The following TMEM163 variants were observed in gnomAD, a reference collection of about 807,000 sequenced individuals.
The protein encoded by TMEM163 is transmembrane protein 163.
TMEM163 carries 17 observed loss-of-function variants against 29.3 expected under a neutral mutation model. That is an observed-to-expected ratio of 0.58 (90% confidence interval 0.40 to 0.87). TMEM163 has a LOEUF of 0.87. Ranked by LOEUF, TMEM163 falls within the 40% of genes least tolerant of loss-of-function variation. The probability of loss-of-function intolerance (pLI) is 0.00; values close to 1 mark genes in which losing one functional copy is unlikely to be tolerated. For synonymous variants in TMEM163, 157 were observed against 160.6 expected (o/e 0.98, Z 0.17); for missense variants, 303 against 381.5 (o/e 0.79, Z 1.71).
intron 2 of TMEM163, among the ~76,000 whole-genome samples, chr2:134,699,739 T>C (rs1306270008): frequency 6.6e-6 from 1 of 152,196 alleles, no homozygotes; most frequent in Non-Finnish European, 1.5e-5. Flanking sequence ...AATTATGATA[T>C]GTCTGTTTCT....
intron 2 of TMEM163, among the ~76,000 whole-genome samples, chr2:134,579,487 T>A (rs989057184): frequency 1.3e-5 from 2 of 152,198 alleles, no homozygotes; most frequent in African/African-American, 4.8e-5. Context: ...ACTGTCCAAA[T>A]GAACAGACTC....
intron 5 of TMEM163, among the ~76,000 whole-genome samples, chr2:134,499,931 C>G (rs1158371039): frequency 2.0e-5 from 3 of 152,230 alleles, no homozygotes; most frequent in Non-Finnish European, 4.4e-5. Context: ...AGGAGCCATG[C>G]TTTATTTAAC....
intron 4 of TMEM163, among the ~76,000 whole-genome samples, chr2:134,521,643 A>T (rs1680191021): frequency 6.6e-6 from 1 of 152,188 alleles, no homozygotes; most frequent in Admixed American, 6.5e-5. Flanking sequence ...AGCCAACAGA[A>T]CCAAATTGGG....
At chr2:134,569,194 T>G (rs1177939663) in intron 2 of TMEM163, among the ~76,000 whole-genome samples, 4 of 152,192 alleles carry the variant, frequency 2.6e-5, no homozygotes, top group Non-Finnish European at 5.9e-5. Context: ...TGACAATAAT[T>G]CTTCCCTGAC....
intron 4 of TMEM163, among the ~76,000 whole-genome samples, chr2:134,503,690 G>C (rs1483961015): frequency 6.6e-6 from 1 of 152,182 alleles, no homozygotes; most frequent in African/African-American, 2.4e-5. Flanking sequence ...GGGTAAGAAA[G>C]GAGAAGGTCA....
intron 4 of TMEM163, among the ~76,000 whole-genome samples, chr2:134,516,628 T>A (rs1680063876): frequency 6.7e-6 from 1 of 148,284 alleles, no homozygotes; most frequent in East Asian, 1.9e-4. Context: ...CATATATTTT[T>A]ATATATATTC....
intron 2 of TMEM163, among the ~76,000 whole-genome samples, chr2:134,640,388 G>T (rs1016587155): frequency 6.6e-6 from 1 of 152,034 alleles, no homozygotes; most frequent in Admixed American, 6.6e-5. Context: ...CTTTTGCAGG[G>T]TGCCTAGCCT....
chr2:134,542,401 C>T (rs1026342409), intron 4 of TMEM163, among the ~76,000 whole-genome samples: 7 of 152,170 alleles, frequency 4.6e-5, no homozygotes, highest in African/African-American at 1.7e-4. Flanking sequence ...CTCAGGACCA[C>T]ATTAGCTTCG....
chr2:134,699,589 A>C (rs994211103), intron 2 of TMEM163, among the ~76,000 whole-genome samples: 9 of 152,228 alleles, frequency 5.9e-5, no homozygotes, highest in Admixed American at 5.9e-4. Flanking sequence ...TACATCACAT[A>C]TGCATTCCCT....
At chr2:134,519,904 A>AG (rs1262549714) in intron 4 of TMEM163, among the ~76,000 whole-genome samples, 6 of 151,706 alleles carry the variant, frequency 4.0e-5, no homozygotes, top group Admixed American at 3.9e-4. Context: ...AAAAAAAAAA[A>AG]AAAAATTCCC....
chr2:134,465,571 T>C (rs1166390769), intron 6 of TMEM163, among the ~76,000 whole-genome samples: 7 of 152,204 alleles, frequency 4.6e-5, no homozygotes, highest in Non-Finnish European at 8.8e-5. Flanking sequence ...CCAAAGGTCA[T>C]AAAGAAAGTT....
chr2:134,664,788 C>G (rs1275264691), intron 2 of TMEM163, among the ~76,000 whole-genome samples: 1 of 152,160 alleles, frequency 6.6e-6, no homozygotes, highest in African/African-American at 2.4e-5. Context: ...ACCCTGCTGC[C>G]ATCTTGATTT....
chr2:134,562,493 T>A (rs1231909313), intron 2 of TMEM163, among the ~76,000 whole-genome samples: 5 of 152,242 alleles, frequency 3.3e-5, no homozygotes, highest in African/African-American at 1.2e-4. Flanking sequence ...CCCAAGGTCA[T>A]CCTTGCCAGG....
intron 2 of TMEM163, among the ~76,000 whole-genome samples, chr2:134,617,324 G>A (rs1382343880): frequency 6.6e-6 from 1 of 152,118 alleles, no homozygotes. Context: ...AAAATCAGAG[G>A]AATTGGCCAG....
chr2:134,692,592 C>T (rs1314550454), intron 2 of TMEM163, among the ~76,000 whole-genome samples: 1 of 152,150 alleles, frequency 6.6e-6, no homozygotes. Flanking sequence ...GGGGAGGGCT[C>T]CCCGTGGGTT....
intron 5 of TMEM163, among the ~76,000 whole-genome samples, chr2:134,474,029 T>C (rs1686863544): frequency 6.6e-6 from 1 of 152,164 alleles, no homozygotes; most frequent in Admixed American, 6.5e-5. Flanking sequence ...GAGGCCAGCA[T>C]TACCATGACA....
chr2:134,549,877 T>C (rs1241620118), intron 4 of TMEM163, among the ~76,000 whole-genome samples: 1 of 152,178 alleles, frequency 6.6e-6, no homozygotes, highest in Admixed American at 6.5e-5. Context: ...TGTGTGTGTG[T>C]GTACTCATTG....
At chr2:134,494,885 T>A (rs1376576738) in intron 5 of TMEM163, among the ~76,000 whole-genome samples, 1 of 152,132 alleles carries the variant, frequency 6.6e-6, no homozygotes, top group Non-Finnish European at 1.5e-5. Context: ...CTCATTCCCA[T>A]GGGTGAGGCA....
chr2:134,702,985 G>C (rs1684735262), intron 2 of TMEM163, among the ~76,000 whole-genome samples: 1 of 152,236 alleles, frequency 6.6e-6, no homozygotes, highest in South Asian at 2.1e-4. Context: ...AGAACTCTAA[G>C]GGAACATTAT....
Sources: gnomAD v4.1 joint callset for allele counts (sites outside exome capture counted in the v4.1 genomes callset) on GRCh38, gnomAD v4.1.1 for gene constraint, MANE v1.5 for transcripts, NCBI Gene and HGNC (gene_info 2026-07-23, HGNC 2026-07-21) for gene names.